The following IMMP1L variants were observed in gnomAD, a reference collection of about 807,000 sequenced individuals.
IMMP1L encodes the protein mitochondrial inner membrane protease subunit 1.
IMMP1L carries 24 observed loss-of-function variants against 21.8 expected under a neutral mutation model. The observed-to-expected ratio is 1.10, with a 90% CI of 0.80 to 1.55. The LOEUF (loss-of-function observed/expected upper bound fraction) is 1.55. IMMP1L is among the 40% of genes most tolerant of loss of function. The pLI is 0.00. For missense variants in IMMP1L, 195 were observed against 200.7 expected, an observed-to-expected ratio of 0.97 and a Z score of 0.17; for synonymous variants, 46 against 62.8, an observed-to-expected ratio of 0.73 and a Z score of 1.26.
chr11:31,506,775 C>A (rs1404099198), intron 1 of IMMP1L, among the ~76,000 whole-genome samples: 1 of 150,620 alleles, frequency 6.6e-6, no homozygotes. Flanking sequence ...TCCTGGCCAA[C>A]ATGGTGAAAG....
chr11:31,489,134 T>C (rs1392097041), intron 1 of IMMP1L, among the ~76,000 whole-genome samples: 1 of 152,072 alleles, frequency 6.6e-6, no homozygotes, highest in Non-Finnish European at 1.5e-5. Flanking sequence ...CCTGACCTTG[T>C]GATCCGCCTG....
At chr11:31,440,153 T>A (rs1655864273) in intron 4 of IMMP1L, among the ~76,000 whole-genome samples, 1 of 152,232 alleles carries the variant, frequency 6.6e-6, no homozygotes, top group African/African-American at 2.4e-5. Context: ...TTTGCTTGAC[T>A]TTCCCTCCTT....
Position 31,472,878 on chromosome 11 carries a change from T to A in IMMP1L, c.-29-9573A>T, listed in dbSNP as rs186406264. Among the ~76,000 whole-genome samples the A allele has an allele frequency of 3.0e-3, 461 of 152,272 alleles. 2 individuals carry two copies. Among genetic ancestry groups the A allele is most frequent in the Non-Finnish European group, 3.7e-3 (252 of 68,002 alleles). Reference sequence around the variant, plus strand: ...TTATTTTTTATTTATTTATTTATTTTTTTTTGAGATGGAGTGTCGCTCTGT... The same window carrying A: ...TTATTTTTTATTTATTTATTTATTTATTTTTGAGATGGAGTGTCGCTCTGT... On this transcript the variant is annotated intron_variant, in intron 1 of 5. Coordinates refer to ENST00000532287, the MANE Select transcript of IMMP1L (RefSeq NM_001304274.2).
chr11:31,506,587 T>C (rs1268956447), intron 1 of IMMP1L, among the ~76,000 whole-genome samples: 1 of 151,626 alleles, frequency 6.6e-6, no homozygotes, highest in African/African-American at 2.4e-5. Context: ...TCGTGTTTTA[T>C]ATTCAACTCT....
chr11:31,458,604 G>A (rs1193158566), intron 3 of IMMP1L, among the ~76,000 whole-genome samples: 1 of 152,056 alleles, frequency 6.6e-6, no homozygotes, highest in Non-Finnish European at 1.5e-5. Flanking sequence ...AGGACACCTT[G>A]CCAGGGGTCA....
At chr11:31,470,345 G>A (rs571812642) in intron 1 of IMMP1L, among the ~76,000 whole-genome samples, 19 of 152,062 alleles carry the variant, frequency 1.2e-4, no homozygotes, top group African/African-American at 3.9e-4. Context: ...CCCGGGAGGC[G>A]GAGGTTGCGG....
At chr11:31,507,942 A>G (rs1044481414) in intron 1 of IMMP1L, among the ~76,000 whole-genome samples, 5 of 152,180 alleles carry the variant, frequency 3.3e-5, no homozygotes, top group Non-Finnish European at 7.3e-5. Flanking sequence ...ACACAAAACA[A>G]TGCCATCTGT....
In IMMP1L at chr11:31,487,147, T is replaced by C. The variant is rs971398308; in HGVS notation, c.-30+22372A>G. ...AATATATTTTTATAAAAAGGAAGGA[T>C]TCCTTTCTGCTATCAACAATTTCCT... On this transcript the variant is annotated intron_variant, in intron 1 of 5. Coordinates refer to ENST00000532287, the MANE Select transcript of IMMP1L (RefSeq NM_001304274.2). 5.3e-5 allele frequency among the ~76,000 whole-genome samples: 8 copies of C among 151,936 alleles called. No individual in the cohort carries two copies. In the South Asian group the frequency reaches 6.2e-4, roughly 12 times the overall value.
chr11:31,463,528 G>C (rs1056782860), intron 1 of IMMP1L, among the ~76,000 whole-genome samples: 1 of 152,042 alleles, frequency 6.6e-6, no homozygotes, highest in African/African-American at 2.4e-5. Flanking sequence ...ATGTCACTGG[G>C]TCTACATATG....
At chr11:31,486,421 T>A (rs950334768) in intron 1 of IMMP1L, among the ~76,000 whole-genome samples, 32 of 151,940 alleles carry the variant, frequency 2.1e-4, no homozygotes, top group African/African-American at 7.2e-4. Context: ...CTGCATTAGG[T>A]CCTGTATCTA....
intron 1 of IMMP1L, among the ~76,000 whole-genome samples, chr11:31,497,653 G>T (rs949774238): frequency 2.0e-5 from 3 of 152,000 alleles, no homozygotes; most frequent in Admixed American, 1.3e-4. Context: ...GTAGAGACGG[G>T]GTTTCAGCAT....
chr11:31,504,051 G>T lies in IMMP1L; in HGVS notation c.-30+5468C>A, dbSNP rs529928500. ...CAGGAAAAATAAACACATCTTTACC[G>T]CTGCCTCACACCAAACACAAAAAAG... is the stretch of plus-strand genomic sequence containing the variant. On this transcript the variant is annotated intron_variant, in intron 1 of 5. Transcript: ENST00000532287. Among the ~76,000 whole-genome samples the T allele has an allele frequency of 4.6e-5, 7 of 152,188 alleles. No homozygotes were observed. In the East Asian group the frequency reaches 1.4e-3, roughly 29 times the overall value.
Position 31,433,480 on chromosome 11 carries a change from T to C in IMMP1L, c.412A>G (p.Arg138Gly). ...GGTACCTTAAAGAAGATTCGTCCTC[T>C]TATTAGTCCATATGGAATAGGTCCA... ...CYGPIPYGLIRGRIFFKIWPL... is the reference protein window; with the variant it reads ...CYGPIPYGLIGGRIFFKIWPL... Residue 138 changes from arginine to glycine, a missense_variant, in exon 5 of 6, where the codon AGA becomes GGA. Coordinates refer to ENST00000532287, the MANE Select transcript of IMMP1L (RefSeq NM_001304274.2). 6.3e-7 allele frequency: 1 copy of C among 1,590,908 alleles called. No individual in the cohort carries two copies. Among genetic ancestry groups the C allele is most frequent in the Non-Finnish European group, 8.6e-7 (1 of 1,165,674 alleles).
At chr11:31,498,602 C>A (rs535440860) in intron 1 of IMMP1L, among the ~76,000 whole-genome samples, 3 of 152,230 alleles carry the variant, frequency 2.0e-5, no homozygotes, top group African/African-American at 7.2e-5. Flanking sequence ...ATGCTAATAT[C>A]CATAAACTGG....
At chr11:31,481,673 A>G (rs1954894761) in intron 1 of IMMP1L, among the ~76,000 whole-genome samples, 1 of 151,994 alleles carries the variant, frequency 6.6e-6, no homozygotes, top group East Asian at 1.9e-4. Flanking sequence ...TTTTTGAACA[A>G]TAAAAAGAAT....
chr11:31,488,632 G>C (rs1027072415), intron 1 of IMMP1L, among the ~76,000 whole-genome samples: 4 of 151,992 alleles, frequency 2.6e-5, no homozygotes, highest in African/African-American at 9.7e-5. Flanking sequence ...GAATACCTGA[G>C]GTTAATTTTA....
At chr11:31,506,693 G>A (rs1955788155) in intron 1 of IMMP1L, among the ~76,000 whole-genome samples, 1 of 150,272 alleles carries the variant, frequency 6.7e-6, no homozygotes, top group Admixed American at 6.6e-5. Flanking sequence ...TGGGCGCGGT[G>A]GCTCACACCT....
intron 4 of IMMP1L, chr11:31,452,635 A>G: frequency 1.0e-6 from 1 of 985,968 alleles, no homozygotes; most frequent in South Asian, 4.7e-5. Context: ...TTCTTTTGAG[A>G]GTCACAAATT....
intron 1 of IMMP1L, among the ~76,000 whole-genome samples, chr11:31,466,648 A>C (rs191727929): frequency 4.2e-4 from 64 of 152,208 alleles, no homozygotes; most frequent in Non-Finnish European, 6.8e-4. Context: ...AAGAGAAATA[A>C]ATCTGGCACA....
Sources: gnomAD v4.1 joint callset for allele counts (sites outside exome capture counted in the v4.1 genomes callset) on GRCh38, gnomAD v4.1.1 for gene constraint, MANE v1.5 for transcripts, NCBI Gene and HGNC (gene_info 2026-07-23, HGNC 2026-07-21) for gene names.